PCDHA3: variants seen among roughly 807,000 people sequenced by gnomAD.
The protein encoded by PCDHA3 is protocadherin alpha 3.
In PCDHA3, 41 loss-of-function variants were observed where a neutral mutation model predicts 62.2. That is an observed-to-expected ratio of 0.66 (90% confidence interval 0.51 to 0.86). The LOEUF is 0.86. Ranked by LOEUF, PCDHA3 falls within the 40% of genes least tolerant of loss-of-function variation. The pLI, the probability that PCDHA3 is intolerant of heterozygous loss-of-function variation, is 0.00. For missense variants in PCDHA3, 1,304 were observed against 1,241.2 expected (o/e 1.05, Z -0.76); for synonymous variants, 640 against 555.4 (o/e 1.15, Z -2.14).
chr5:140,912,381 A>G (rs1554195316), intron 1 of PCDHA3, among the ~76,000 whole-genome samples: 2 of 150,140 alleles, frequency 1.3e-5, no homozygotes, highest in African/African-American at 4.9e-5. Context: ...AAAGGGATTG[A>G]GTTCTTAATT....
chr5:140,871,143 G>C (rs2052747767), intron 1 of PCDHA3: 1 of 1,613,356 alleles, frequency 6.2e-7, no homozygotes, highest in South Asian at 1.1e-5. Context: ...CCTCTTCCCG[G>C]ACTTTGGCGG....
intron 3 of PCDHA3, among the ~76,000 whole-genome samples, chr5:140,996,269 T>C (rs1183604392): frequency 6.6e-6 from 1 of 152,194 alleles, no homozygotes; most frequent in East Asian, 1.9e-4. Context: ...GAGCCTGGGA[T>C]TGCTGCCAAA....
At chr5:140,858,645 T>C (rs2045537080) in intron 1 of PCDHA3, 1 of 818,880 alleles carries the variant, frequency 1.2e-6, no homozygotes, top group Non-Finnish European at 1.9e-6. Context: ...TGATTGGTAC[T>C]TAAATTTTTT....
chr5:140,877,112 G>T (rs782384853), intron 1 of PCDHA3: 18 of 1,613,552 alleles, frequency 1.1e-5, no homozygotes, highest in African/African-American at 4.0e-5. Context: ...CCTCTGGGCA[G>T]CAACGTGACG....
intron 1 of PCDHA3, among the ~76,000 whole-genome samples, chr5:140,899,914 C>A (rs1408569942): frequency 2.0e-5 from 3 of 151,952 alleles, no homozygotes; most frequent in Admixed American, 6.6e-5. Flanking sequence ...CTCAAGCAAT[C>A]CTCCTGCCTC....
intron 1 of PCDHA3, among the ~76,000 whole-genome samples, chr5:140,925,297 A>G (rs572435227): frequency 6.6e-6 from 1 of 152,246 alleles, no homozygotes; most frequent in Non-Finnish European, 1.5e-5. Context: ...ATGTTTCATT[A>G]TTGGGGCTTT....
chr5:140,807,312 G>A (rs1763888909), intron 1 of PCDHA3: 1 of 1,614,058 alleles, frequency 6.2e-7, no homozygotes, highest in Non-Finnish European at 8.5e-7. Flanking sequence ...GCCAAACACG[G>A]CACCTTCGTG....
intron 1 of PCDHA3, among the ~76,000 whole-genome samples, chr5:140,941,439 G>A (rs187782763): frequency 1.3e-5 from 2 of 149,420 alleles, no homozygotes; most frequent in East Asian, 2.0e-4. Context: ...CCTCAGCCTC[G>A]GGAGTAGCTG....
chr5:140,849,786 G>A, intron 1 of PCDHA3: 3 of 1,598,490 alleles, frequency 1.9e-6, no homozygotes, highest in African/African-American at 1.3e-5. Context: ...GCGGGACGGG[G>A]GCTCGCCTTC....
Position 140,850,277 on chromosome 5 carries a change from G to T in PCDHA3, c.2394+46686G>T, listed in dbSNP as rs1554144125. On this transcript the variant is annotated intron_variant, in intron 1 of 3. Coordinates refer to ENST00000522353, the MANE Select transcript of PCDHA3 (RefSeq NM_018906.3). ...GCGCCGGCGTAGTGGTGGGGAAGGT[G>T]CGCGCAGTGGACGCCGACTCGGGCT... is the stretch of plus-strand genomic sequence containing the variant. 2.5e-6 allele frequency: 4 copies of T among 1,595,522 alleles called. No homozygotes were observed. In the East Asian group the frequency reaches 8.9e-5, roughly 36 times the overall value.
chr5:140,948,959 C>T (rs1315047565), intron 1 of PCDHA3, among the ~76,000 whole-genome samples: 13 of 151,622 alleles, frequency 8.6e-5, no homozygotes, highest in South Asian at 6.2e-4. Context: ...ATTAAAGCCA[C>T]GAATTTATTA....
intron 3 of PCDHA3, among the ~76,000 whole-genome samples, chr5:141,008,816 C>T (rs2098391999): frequency 6.6e-6 from 1 of 152,190 alleles, no homozygotes; most frequent in African/African-American, 2.4e-5. Context: ...GCTCAATTTA[C>T]AACAGGATTC....
At chr5:140,863,423 T>A (rs1334887353) in intron 1 of PCDHA3, 2 of 677,498 alleles carry the variant, frequency 3.0e-6, no homozygotes, top group Non-Finnish European at 5.2e-6. Flanking sequence ...TACCGCAGCG[T>A]AGTGGGATCT....
intron 1 of PCDHA3, chr5:140,808,196 A>G (rs782183352): frequency 6.2e-7 from 1 of 1,614,262 alleles, no homozygotes; most frequent in Non-Finnish European, 8.5e-7. Flanking sequence ...TTGTAGAGTT[A>G]TTGTGGAAGT....
At chr5:140,970,762 A>C (rs2096431667) in intron 1 of PCDHA3, among the ~76,000 whole-genome samples, 1 of 152,198 alleles carries the variant, frequency 6.6e-6, no homozygotes, top group Admixed American at 6.5e-5. Context: ...TCATTGACAT[A>C]TTGCTGTACA....
At position 140,801,151 on chromosome 5, in the gene PCDHA3, A is replaced by G; in HGVS notation, c.-47A>G. ...GATAAGGAACTCGAATTATTTTTAA[A>G]CTTTGGATCAATGTAAAGGCAATCT... On this transcript the variant is annotated 5_prime_UTR_variant, in exon 1 of 4. Coordinates refer to ENST00000522353, the MANE Select transcript of PCDHA3 (RefSeq NM_018906.3). 6.5e-7 allele frequency: 1 copy of G among 1,531,188 alleles called. No homozygotes were observed. The highest frequency in any genetic ancestry group is 1.3e-5 in the South Asian group (1 of 76,844). 94.9% of individuals were successfully genotyped at this position (1,531,188 alleles called of 1,614,324 possible). A position where few individuals can be genotyped will look rare whatever the true frequency, so the allele number is the denominator to read the frequency against.
intron 1 of PCDHA3, chr5:140,853,549 T>C: frequency 1.0e-6 from 1 of 979,350 alleles, no homozygotes; most frequent in South Asian, 4.8e-5. Flanking sequence ...TTGTAATTAC[T>C]ATATAGGAAA....
Position 140,803,087 on chromosome 5 carries a change from G to T in PCDHA3, c.1890G>T (p.Glu630Asp). 6.2e-7 allele frequency: 1 copy of T among 1,613,906 alleles called. No homozygotes were observed. Among genetic ancestry groups the T allele is most frequent in the East Asian group, 2.2e-5 (1 of 44,866 alleles). The part of the protein sequence containing the change: ...IPFRVGLYTG[E>D]ISTTRALDEV... ...TTCGCGTGGGGCTGTACACGGGAGA[G>T]ATCAGCACGACCCGTGCCCTGGACG... The change falls in exon 1 of 4, where the codon GAG becomes GAT. Residue 630 changes from glutamate to aspartate, a missense_variant. Physicochemically the swap from Glu to Asp is conservative, Grantham distance 45. Transcript: ENST00000522353.
At chr5:140,915,479 G>T (rs1170530979) in intron 1 of PCDHA3, among the ~76,000 whole-genome samples, 1 of 151,948 alleles carries the variant, frequency 6.6e-6, no homozygotes, top group African/African-American at 2.4e-5. Flanking sequence ...AAGGAGCTTG[G>T]GCCTCAATCC....
Sources: gnomAD v4.1 joint callset for allele counts (sites outside exome capture counted in the v4.1 genomes callset) on GRCh38, gnomAD v4.1.1 for gene constraint, MANE v1.5 for transcripts, NCBI Gene and HGNC (gene_info 2026-07-23, HGNC 2026-07-21) for gene names.